Variants in NUTM2F observed in about 807,000 individuals in gnomAD.
The protein encoded by NUTM2F is family with sequence similarity 22, member F.
NUTM2F carries 22 observed loss-of-function variants against 43.3 expected under a neutral mutation model. The ratio of observed to expected loss-of-function variants is 0.51; its 90% CI spans 0.36 to 0.73. NUTM2F has a LOEUF of 0.73. NUTM2F is among the 30% of genes least tolerant of loss of function. NUTM2F has a pLI of 0.00. For synonymous variants in NUTM2F, 202 were observed against 389.0 expected, an observed-to-expected ratio of 0.52 and a Z score of 5.66; for missense variants, 488 against 927.4, an observed-to-expected ratio of 0.53 and a Z score of 6.15.
intron 2 of NUTM2F, among the ~76,000 whole-genome samples, chr9:94,324,612 A>G (rs1171400646): frequency 2.9e-4 from 43 of 150,564 alleles, no homozygotes; most frequent in South Asian, 2.8e-3. Context: ...GCAGTGAGCC[A>G]AGATCGCGCC....
At chr9:94,324,422 G>T (rs1215388921) in intron 2 of NUTM2F, among the ~76,000 whole-genome samples, 1 of 151,318 alleles carries the variant, frequency 6.6e-6, no homozygotes, top group Non-Finnish European at 1.5e-5. Flanking sequence ...CAGCACTTTG[G>T]GAGGCCGAGG....
intron 2 of NUTM2F, among the ~76,000 whole-genome samples, chr9:94,324,390 C>T (rs534164277): frequency 1.6e-3 from 244 of 151,968 alleles, no homozygotes; most frequent in Non-Finnish European, 2.3e-3. Context: ...AAGCCAGGCA[C>T]GGTGGCTCAT....
chr9:94,325,528 A>C lies in NUTM2F; in HGVS notation c.423T>G (p.Val141=). Residue 141 remains valine (V), a synonymous_variant, in exon 2 of 7, where the codon GTT becomes GTG. Transcript: ENST00000253262. Reference sequence around the variant, plus strand: ...CTCCCTCACAGGCCTGGGTGCCCCCAACCACCTGGGCAGAGGTAACGGGCA... The same window carrying C: ...CTCCCTCACAGGCCTGGGTGCCCCCCACCACCTGGGCAGAGGTAACGGGCA... ...PGVPVTSAQV[V]GGTQACEGGW... 7.0e-7 allele frequency: 1 copy of C among 1,424,672 alleles called. No homozygotes were observed. Among genetic ancestry groups the C allele is most frequent in the East Asian group, 2.6e-5 (1 of 38,806 alleles). The allele number at this position is 1,424,672 out of a possible 1,614,324, so 88.3% of individuals were successfully genotyped here. A position where few individuals can be genotyped will look rare whatever the true frequency, so the allele number is the denominator to read the frequency against.
chr9:94,320,427 C>G lies in NUTM2F; in HGVS notation c.1149G>C (p.Glu383Asp), dbSNP rs1587701441. ...LPPPRPQRPAETKVPEEIPPE... is the reference protein window; with the variant it reads ...LPPPRPQRPADTKVPEEIPPE... ...GGGGGATCTCCTCAGGGACCTTGGT[C>G]TCCGCTGGCCTCTGGGGCCTGGGTG... is the stretch of plus-strand genomic sequence containing the variant. The change falls in exon 5 of 7, where the codon GAG (glutamate) becomes GAC (aspartate). Residue 383 changes from glutamate to aspartate, a missense_variant. Coordinates refer to ENST00000253262, the MANE Select transcript of NUTM2F (RefSeq NM_017561.2). The surrounding 1 kb of genome is among the most constrained non-coding windows in gnomAD (Gnocchi z 4.5). 3.7e-6 allele frequency: 6 copies of G among 1,605,122 alleles called. No homozygotes were observed. The East Asian group carries it at 1.4e-4, about 36-fold the overall frequency.
rs757022719 is a variant in NUTM2F at position 94,320,199 on chromosome 9, C to T, written c.1368+9G>A. On this transcript the variant is annotated intron_variant, in intron 5 of 6. Transcript: ENST00000253262. This position sits in a 1 kb window ranked among gnomAD's most constrained non-coding sequence, Gnocchi z 4.5. The stretch of plus-strand genomic sequence containing the variant: ...ATCCTACAGACCACAGCACTCCAGG[C>T]AAGCCCACCTTGGTGACAAAGTCTT... 9.9e-6 allele frequency: 16 copies of T among 1,611,624 alleles called. No individual in the cohort carries two copies. The East Asian group carries it at 3.6e-4, about 36-fold the overall frequency.
At chr9:94,326,743 CAAAAAAAA>C (rs763429569) in intron 1 of NUTM2F, among the ~76,000 whole-genome samples, 1 of 90,914 alleles carries the variant, frequency 1.1e-5, no homozygotes, top group East Asian at 3.3e-4. Context: ...GACTCCGTCT[CAAAAAAAA>C]AAAAAAAAAA....
intron 3 of NUTM2F, 70 bp downstream of exon 3, chr9:94,322,131 C>T (rs959105263): frequency 3.4e-4 from 543 of 1,593,376 alleles, no homozygotes; most frequent in Non-Finnish European, 3.8e-4. Context: ...GAAGCCACCA[C>T]GGCCACCGGG....
chr9:94,320,111 A>G lies in NUTM2F; in HGVS notation c.1368+97T>C, dbSNP rs921799369. ...GACACTCAAATCCATGGAAATACAC[A>G]TACTACTGAGTAGCTAAGGAACAGA... is the stretch of plus-strand genomic sequence containing the variant. On this transcript the variant is annotated intron_variant, in intron 5 of 6. Coordinates refer to ENST00000253262, the MANE Select transcript of NUTM2F (RefSeq NM_017561.2). The surrounding 1 kb of genome is among the most constrained non-coding windows in gnomAD (Gnocchi z 4.5). The G allele has an allele frequency of 9.8e-7, 1 of 1,020,920 alleles. No individual in the cohort carries two copies. The highest frequency in any genetic ancestry group is 1.6e-5 in the African/African-American group (1 of 62,880). 63.2% of individuals were successfully genotyped at this position (1,020,920 alleles called of 1,614,324 possible).
At position 94,325,815 on chromosome 9, in the gene NUTM2F, C is replaced by A. The variant is rs746647475; in HGVS notation, c.136G>T (p.Ala46Ser). 1 of 1,612,132 alleles carries A rather than the reference C, an allele frequency of 6.2e-7. No homozygotes were observed. The highest frequency in any genetic ancestry group is 1.1e-5 in the South Asian group (1 of 91,008). ...GPAHRPPLVTAVVPPAGPLVL... is the reference protein window; with the variant it reads ...GPAHRPPLVTSVVPPAGPLVL... The stretch of plus-strand genomic sequence containing the variant: ...AGAGGGCCGGCTGGAGGAACCACTG[C>A]AGTCACGAGGGGCGGCCTGTGTGCT... The change falls in exon 2 of 7, where the codon GCA (alanine) becomes TCA (serine). Residue 46 changes from alanine (A) to serine (S), a missense_variant. Transcript: ENST00000253262.
intron 2 of NUTM2F, among the ~76,000 whole-genome samples, chr9:94,324,580 G>A (rs1831425503): frequency 6.7e-6 from 1 of 149,144 alleles, no homozygotes. Context: ...GGAGAATGAC[G>A]TGAACCTGGG....
Position 94,320,464 on chromosome 9 carries a change from G to T in NUTM2F, c.1112C>A (p.Ala371Asp). 1 of 1,608,572 alleles carries T rather than the reference G, an allele frequency of 6.2e-7. No homozygotes were observed. The highest frequency in any genetic ancestry group is 8.5e-7 in the Non-Finnish European group (1 of 1,177,078). ...PRPQRPAETN[A>D]HLPPPRPQRP... ...CTGGGGCCTGGGTGGTGGCAGGTGG[G>T]CGTTGGTCTCCGCTGGCCTCTGGGG... The change falls in exon 5 of 7, where the codon GCC becomes GAC. Residue 371 changes from alanine (A) to aspartate (D), a missense_variant. Ala to Asp is a moderately radical substitution (Grantham distance 126, BLOSUM62 -2). Coordinates refer to ENST00000253262, the MANE Select transcript of NUTM2F (RefSeq NM_017561.2). The surrounding 1 kb of genome is among the most constrained non-coding windows in gnomAD (Gnocchi z 4.5).
intron 5 of NUTM2F, among the ~76,000 whole-genome samples, chr9:94,319,936 G>C (rs1230615472): frequency 6.6e-6 from 1 of 151,852 alleles, no homozygotes; most frequent in African/African-American, 2.4e-5. Context: ...ACCACACACA[G>C]ACACACAGAC....
chr9:94,320,431 G>A lies in NUTM2F; in HGVS notation c.1145C>T (p.Ala382Val), dbSNP rs368719501. 39 of 1,603,596 alleles carry A rather than the reference G, an allele frequency of 2.4e-5. No individual in the cohort carries two copies. Among genetic ancestry groups the A allele is most frequent in the Non-Finnish European group, 2.8e-5 (33 of 1,174,602 alleles). Reference protein sequence around the residue: ...HLPPPRPQRPAETKVPEEIPP... With the variant: ...HLPPPRPQRPVETKVPEEIPP... ...GATCTCCTCAGGGACCTTGGTCTCC[G>A]CTGGCCTCTGGGGCCTGGGTGGTGG... Residue 382 changes from alanine (A) to valine (V), a missense_variant, in exon 5 of 7, where the codon GCG becomes GTG. By Grantham distance (64) the Ala-to-Val change is moderately conservative. Transcript: ENST00000253262. The surrounding 1 kb of genome is among the most constrained non-coding windows in gnomAD (Gnocchi z 4.5).
chr9:94,319,950 T>A (rs1831335044), intron 5 of NUTM2F, among the ~76,000 whole-genome samples: 1 of 151,426 alleles, frequency 6.6e-6, no homozygotes, highest in Non-Finnish European at 1.5e-5. Flanking sequence ...CACAGACCCA[T>A]GTACAACACA....
chr9:94,322,196 C>T lies in NUTM2F; in HGVS notation c.842+5G>A, dbSNP rs372875264. 1.5e-4 allele frequency: 236 copies of T among 1,612,038 alleles called. 1 individual carries two copies. The Middle Eastern group carries it at 2.3e-3, about 15-fold the overall frequency. On this transcript the variant is annotated splice_donor_5th_base_variant and intron_variant, in intron 3 of 6. Coordinates refer to ENST00000253262, the MANE Select transcript of NUTM2F (RefSeq NM_017561.2). ...CGGGCCCTGCCCCCAGGACCCCAGA[C>T]TCACTTTTCCGCCATCTCGTAGAAG...
chr9:94,328,463 C>T (rs1045956566), intron 1 of NUTM2F, 145 bp downstream of exon 1: 1 of 1,302,348 alleles, frequency 7.7e-7, no homozygotes, highest in African/African-American at 1.5e-5. Context: ...CATGGCCATC[C>T]CCAGGTGTGA....
At chr9:94,324,705 T>A (rs560858367) in intron 2 of NUTM2F, among the ~76,000 whole-genome samples, 81 of 143,596 alleles carry the variant, frequency 5.6e-4, no homozygotes, top group Non-Finnish European at 9.2e-4. Flanking sequence ...AAAGTAAGTA[T>A]TGGGGCGGGG....
chr9:94,326,416 T>C (rs1265015044), intron 1 of NUTM2F, among the ~76,000 whole-genome samples: 2 of 151,866 alleles, frequency 1.3e-5, no homozygotes, highest in African/African-American at 2.4e-5. Context: ...CCTGAAGCTC[T>C]TGTAAACCCC....
At chr9:94,319,503 A>ATTC (rs1231600012) in intron 6 of NUTM2F, 110 bp downstream of exon 6, 29 of 1,255,702 alleles carry the variant, frequency 2.3e-5, no homozygotes, top group Non-Finnish European at 3.1e-5. Context: ...GTGGCTCCCC[A>ATTC]AGAAGCTGAA....
Sources: allele counts gnomAD v4.1 joint callset (sites outside exome capture counted in the v4.1 genomes callset), GRCh38; gene constraint gnomAD v4.1.1; non-coding constraint Gnocchi (gnomAD v3.1); transcripts MANE v1.5; gene names NCBI Gene and HGNC (gene_info 2026-07-23, HGNC 2026-07-21).